The following MSRB2 variants were observed in gnomAD, a reference collection of about 807,000 sequenced individuals.
MSRB2 encodes methionine-R-sulfoxide reductase B2, mitochondrial.
In MSRB2, 17 loss-of-function variants were observed where a neutral mutation model predicts 19.0. That is an observed-to-expected ratio of 0.89 (90% CI 0.61 to 1.34). The LOEUF (loss-of-function observed/expected upper bound fraction) is 1.34. MSRB2 is among the 40% of genes most tolerant of loss of function. The pLI is 0.00. For missense variants in MSRB2, 208 were observed against 237.6 expected (o/e 0.88, Z 0.82); for synonymous variants, 107 against 99.7 (o/e 1.07, Z -0.44).
At chr10:23,119,573 A>G (rs890036070) in intron 4 of MSRB2, 122 bp downstream of exon 4, 2 of 1,180,154 alleles carry the variant, frequency 1.7e-6, no homozygotes, top group Non-Finnish European at 2.4e-6. Context: ...TTCAGAACAC[A>G]TGGGGTTTCT....
chr10:23,119,575 G>A, intron 4 of MSRB2, 124 bp downstream of exon 4: 1 of 1,178,466 alleles, frequency 8.5e-7, no homozygotes, highest in Non-Finnish European at 1.2e-6. Flanking sequence ...CAGAACACAT[G>A]GGGTTTCTTT....
In MSRB2 at chr10:23,097,319, A is replaced by G. The variant is rs566193005; in HGVS notation, c.118+1593A>G. Among the ~76,000 whole-genome samples, 310 of 152,332 alleles carry G rather than the reference A, an allele frequency of 2.0e-3. 1 individual carries two copies. The highest frequency in any genetic ancestry group is 5.8e-3 in the African/African-American group (243 of 41,578). On this transcript the variant is annotated intron_variant, in intron 1 of 4. Transcript: ENST00000376510. ...GCTCTGTGTCTGAGCTCAGGCTGCT[A>G]TTGCAAAACACCGTGGACTGGGTGG... is the stretch of plus-strand genomic sequence containing the variant.
intron 3 of MSRB2, among the ~76,000 whole-genome samples, chr10:23,111,138 T>G (rs1305039692): frequency 1.3e-5 from 2 of 152,208 alleles, no homozygotes; most frequent in African/African-American, 4.8e-5. Flanking sequence ...TGGCTGCTAA[T>G]GTGGGCTGCC....
At chr10:23,119,273 G>T (rs201106382) in intron 3 of MSRB2, 31 bp from the exon 4 acceptor site, 10 of 1,609,242 alleles carry the variant, frequency 6.2e-6, no homozygotes, top group Admixed American at 5.0e-5. Flanking sequence ...AGTGTCATTA[G>T]CAGCTGTAGT....
intron 3 of MSRB2, among the ~76,000 whole-genome samples, chr10:23,111,464 T>C (rs11013292): frequency 0.66 from 101,048 of 152,134 alleles, 34,015 homozygotes; most frequent in African/African-American, 0.72. Context: ...TCTCCCTCTT[T>C]GCACTGTGAA....
rs530885065 is a variant in MSRB2, at chr10:23,113,609, C to A, written c.296+3291C>A. ...AAAAAGACATGTTGAAGTCTTAATC[C>A]CTGTAAGCTGGGAATGTGACCTTAT... On this transcript the variant is annotated intron_variant, in intron 3 of 4. Coordinates refer to ENST00000376510, the MANE Select transcript of MSRB2 (RefSeq NM_012228.4). 5.8e-4 allele frequency among the ~76,000 whole-genome samples: 88 copies of A among 152,240 alleles called. No homozygotes were observed. In the Middle Eastern group the frequency reaches 0.024, roughly 41 times the overall value.
At chr10:23,106,413 A>G (rs1480067937) in intron 2 of MSRB2, among the ~76,000 whole-genome samples, 1 of 152,220 alleles carries the variant, frequency 6.6e-6, no homozygotes, top group Non-Finnish European at 1.5e-5. Context: ...TGGCTGAGCA[A>G]TAACTGAAAG....
At chr10:23,115,034 C>T (rs1477528852) in intron 3 of MSRB2, among the ~76,000 whole-genome samples, 1 of 152,154 alleles carries the variant, frequency 6.6e-6, no homozygotes, top group Non-Finnish European at 1.5e-5. Context: ...TTCCCAGCCT[C>T]ATCCACCAGA....
intron 1 of MSRB2, among the ~76,000 whole-genome samples, chr10:23,102,928 A>G (rs1839941084): frequency 6.6e-6 from 1 of 152,212 alleles, no homozygotes; most frequent in South Asian, 2.1e-4. Flanking sequence ...TAACTGAGGT[A>G]TATTCCATAG....
intron 2 of MSRB2, among the ~76,000 whole-genome samples, chr10:23,107,141 C>A (rs975723118): frequency 1.3e-5 from 2 of 152,230 alleles, no homozygotes; most frequent in East Asian, 3.8e-4. Context: ...TCGGATTGCC[C>A]TCTGCCTCTG....
At chr10:23,111,978 C>T (rs1840062771) in intron 3 of MSRB2, among the ~76,000 whole-genome samples, 3 of 152,002 alleles carry the variant, frequency 2.0e-5, no homozygotes, top group Admixed American at 2.0e-4. Flanking sequence ...TAAAAGGCCA[C>T]ATGTGGCCAG....
intron 4 of MSRB2, 44 bp downstream of exon 4, chr10:23,119,495 A>G (rs774905337): frequency 8.1e-6 from 13 of 1,596,384 alleles, no homozygotes; most frequent in Middle Eastern, 1.8e-4. Context: ...TGCTGCCCCC[A>G]ATGCCACAAA....
intron 3 of MSRB2, among the ~76,000 whole-genome samples, chr10:23,118,054 A>G (rs1840132423): frequency 6.6e-6 from 1 of 152,224 alleles, no homozygotes; most frequent in Admixed American, 6.5e-5. Context: ...CACTCAACCT[A>G]TATTAAAAAA....
intron 3 of MSRB2, among the ~76,000 whole-genome samples, chr10:23,111,093 C>T (rs1840046731): frequency 6.6e-6 from 1 of 152,210 alleles, no homozygotes; most frequent in African/African-American, 2.4e-5. Flanking sequence ...CTTCTGTCCT[C>T]TGGGCTTTGA....
At chr10:23,106,730 C>T (rs1839991301) in intron 2 of MSRB2, among the ~76,000 whole-genome samples, 1 of 152,218 alleles carries the variant, frequency 6.6e-6, no homozygotes, top group African/African-American at 2.4e-5. Flanking sequence ...TCTGGCCACT[C>T]CCTCTTCCTT....
chr10:23,110,838 G>C (rs1342771195), intron 3 of MSRB2, among the ~76,000 whole-genome samples: 4 of 152,056 alleles, frequency 2.6e-5, no homozygotes, highest in Non-Finnish European at 4.4e-5. Flanking sequence ...TTTGTCCCTT[G>C]ATTTCAAAGC....
intron 3 of MSRB2, among the ~76,000 whole-genome samples, chr10:23,115,107 G>A (rs920358264): frequency 6.6e-6 from 1 of 152,122 alleles, no homozygotes; most frequent in South Asian, 2.1e-4. Flanking sequence ...CAGTTTTGGA[G>A]AGCTTCTGCC....
At chr10:23,118,341 T>TG (rs1025165567) in intron 3 of MSRB2, among the ~76,000 whole-genome samples, 1 of 148,376 alleles carries the variant, frequency 6.7e-6, no homozygotes, top group Non-Finnish European at 1.5e-5. Context: ...TTTTTTGTTT[T>TG]TTTTTTTTTT....
At chr10:23,108,728 G>A (rs943106791) in intron 2 of MSRB2, among the ~76,000 whole-genome samples, 3 of 151,640 alleles carry the variant, frequency 2.0e-5, no homozygotes, top group East Asian at 1.9e-4. Flanking sequence ...CACCTGTCTC[G>A]GCCCCCCAAA....
Sources: allele counts gnomAD v4.1 joint callset (sites outside exome capture counted in the v4.1 genomes callset), GRCh38; gene constraint gnomAD v4.1.1; transcripts MANE v1.5; gene names NCBI Gene and HGNC (gene_info 2026-07-23, HGNC 2026-07-21).